Variants in DLG2 observed in about 807,000 individuals in gnomAD.
DLG2 encodes the protein disks large homolog 2.
A neutral mutation model predicts 132.5 loss-of-function variants in DLG2; 45 were observed. The observed-to-expected ratio is 0.34, with a 90% CI of 0.27 to 0.44. DLG2 has a LOEUF of 0.44. Among genes scored for constraint, DLG2 ranks in the 20% least tolerant of loss-of-function variants. The pLI is 1.00. For missense variants in DLG2, 1,045 were observed against 1,196.9 expected, an observed-to-expected ratio of 0.87 and a Z score of 1.87; for synonymous variants, 424 against 419.6, an observed-to-expected ratio of 1.01 and a Z score of -0.13.
At chr11:85,196,520 A>T (rs750947011) in intron 4 of DLG2, among the ~76,000 whole-genome samples, 3 of 152,210 alleles carry the variant, frequency 2.0e-5, no homozygotes, top group Non-Finnish European at 2.9e-5. Context: ...AAATAGTCCC[A>T]CTATAACCAA....
intron 8 of DLG2, among the ~76,000 whole-genome samples, chr11:84,236,188 A>G (rs2097156568): frequency 6.6e-6 from 1 of 152,230 alleles, no homozygotes; most frequent in Non-Finnish European, 1.5e-5. Context: ...AAGAATCCAG[A>G]TAATTTCACT....
At chr11:85,084,108 G>A (rs2067591233) in intron 6 of DLG2, among the ~76,000 whole-genome samples, 1 of 152,090 alleles carries the variant, frequency 6.6e-6, no homozygotes, top group African/African-American at 2.4e-5. Flanking sequence ...AGCAACAGCT[G>A]AAAGAGTATG....
intron 18 of DLG2, among the ~76,000 whole-genome samples, chr11:83,652,244 T>C (rs901740771): frequency 5.3e-5 from 8 of 152,308 alleles, no homozygotes; most frequent in African/African-American, 1.7e-4. Flanking sequence ...AGCCTGCACT[T>C]GTTCTGTTTT....
intron 4 of DLG2, among the ~76,000 whole-genome samples, chr11:85,274,020 C>G (rs1158463144): frequency 6.6e-6 from 1 of 152,172 alleles, no homozygotes; most frequent in Admixed American, 6.5e-5. Flanking sequence ...AAACCAAACA[C>G]CACATGTTCT....
intron 6 of DLG2, among the ~76,000 whole-genome samples, chr11:84,708,593 A>T (rs1257069670): frequency 6.6e-6 from 1 of 151,764 alleles, no homozygotes; most frequent in Non-Finnish European, 1.5e-5. Context: ...AGAGCTCTGG[A>T]AGATGCTTGC....
chr11:85,493,673 G>A (rs1160036845), intron 3 of DLG2, among the ~76,000 whole-genome samples: 2 of 149,176 alleles, frequency 1.3e-5, no homozygotes, highest in African/African-American at 2.5e-5. Flanking sequence ...CCATGTCAGA[G>A]AGGAGAGAAG....
Position 84,502,237 on chromosome 11 carries a change from T to TCCTTCCTTCCTTTC in DLG2, c.519+32332_519+32333insGAAAGGAAGGAAGG, listed in dbSNP as rs2099213708. ...TTCCTTCCTTCCTTCCTTCCTTCCT[T>TCCTTCCTTCCTTTC]CCTTCCTTCCTTCCTTCCTTCCTTC... On this transcript the variant is annotated intron_variant, in intron 7 of 27. Transcript: ENST00000376104. Among the ~76,000 whole-genome samples the TCCTTCCTTCCTTTC allele has an allele frequency of 5.6e-5, 2 of 35,970 alleles. 1 individual carries two copies. Among genetic ancestry groups the TCCTTCCTTCCTTTC allele is most frequent in the Admixed American group, 4.0e-4 (2 of 5,012 alleles). The allele number at this position is 35,970 out of a possible 152,430, so 23.6% of individuals were successfully genotyped here.
At chr11:83,763,172 A>ATTTTT (rs2093986457) in intron 18 of DLG2, among the ~76,000 whole-genome samples, 1 of 152,136 alleles carries the variant, frequency 6.6e-6, no homozygotes, top group Non-Finnish European at 1.5e-5. Flanking sequence ...TGAAATTAAG[A>ATTTTT]ATTTTTTTAA....
At chr11:83,540,825 T>A (rs901447697) in intron 20 of DLG2, among the ~76,000 whole-genome samples, 2 of 152,208 alleles carry the variant, frequency 1.3e-5, no homozygotes, top group South Asian at 2.1e-4. Context: ...TTATTAAGCA[T>A]AATTCCTGAC....
At chr11:83,471,949 T>C (rs1382699406) in intron 23 of DLG2, among the ~76,000 whole-genome samples, 2 of 151,474 alleles carry the variant, frequency 1.3e-5, no homozygotes, top group Non-Finnish European at 3.0e-5. Context: ...GGAAAGGCAA[T>C]TGCAGTATCT....
chr11:85,438,519 A>G (rs1238521865), intron 3 of DLG2, among the ~76,000 whole-genome samples: 6 of 152,236 alleles, frequency 3.9e-5, no homozygotes, highest in Non-Finnish European at 8.8e-5. Context: ...TTACTTTTGC[A>G]CCAACCTATA....
intron 3 of DLG2, among the ~76,000 whole-genome samples, chr11:85,382,747 A>T (rs757579730): frequency 5.3e-5 from 8 of 152,184 alleles, no homozygotes; most frequent in Non-Finnish European, 8.8e-5. Flanking sequence ...GATGTTCAAC[A>T]TCATTAGTCA....
In DLG2 at chr11:84,264,730, T is replaced by C. The variant is rs116839577; in HGVS notation, c.520-13439A>G. On this transcript the variant is annotated intron_variant, in intron 7 of 27. Coordinates refer to ENST00000376104, the MANE Select transcript of DLG2 (RefSeq NM_001142699.3). ...TTTTCCTAACCAACTAGAAAGGAGA[T>C]GATAACTTCCTTATGAATATATTTG... Among the ~76,000 whole-genome samples the C allele has an allele frequency of 1.9e-3, 288 of 152,320 alleles. 2 individuals are homozygous for C. The highest frequency in any genetic ancestry group is 6.7e-3 in the African/African-American group (280 of 41,584).
intron 21 of DLG2, among the ~76,000 whole-genome samples, chr11:83,492,792 C>T (rs1375987284): frequency 1.3e-5 from 2 of 152,110 alleles, no homozygotes; most frequent in Non-Finnish European, 2.9e-5. Context: ...ACCATCTCCA[C>T]CACTACTACC....
chr11:84,189,645 A>G (rs114870481), intron 8 of DLG2, among the ~76,000 whole-genome samples: 20 of 152,346 alleles, frequency 1.3e-4, no homozygotes, highest in African/African-American at 4.6e-4. Context: ...GGAGCCATAA[A>G]AAGGAAAGAG....
At chr11:83,790,759 C>T (rs1427297163) in intron 17 of DLG2, 1 of 762,572 alleles carries the variant, frequency 1.3e-6, no homozygotes, top group Non-Finnish European at 2.4e-6. Context: ...GGGGCAACAA[C>T]TAGGTTCTGG....
chr11:84,647,095 G>GGATAAC (rs1032880378), intron 6 of DLG2, among the ~76,000 whole-genome samples: 1 of 151,658 alleles, frequency 6.6e-6, no homozygotes, highest in African/African-American at 2.4e-5. Context: ...AATCTATTGG[G>GGATAAC]GATAACATAT....
intron 4 of DLG2, among the ~76,000 whole-genome samples, chr11:85,193,778 C>T (rs2080817489): frequency 6.6e-6 from 1 of 152,078 alleles, no homozygotes; most frequent in Non-Finnish European, 1.5e-5. Context: ...ATACTTGACC[C>T]TTTCAATATA....
chr11:84,822,816 G>GTA (rs2077858542), intron 6 of DLG2, among the ~76,000 whole-genome samples: 1 of 151,900 alleles, frequency 6.6e-6, no homozygotes, highest in South Asian at 2.1e-4. Flanking sequence ...TGGGTAAAAG[G>GTA]TACTGTTATT....
Sources: gnomAD v4.1 joint callset for allele counts (sites outside exome capture counted in the v4.1 genomes callset) on GRCh38, gnomAD v4.1.1 for gene constraint, MANE v1.5 for transcripts, NCBI Gene and HGNC (gene_info 2026-07-23, HGNC 2026-07-21) for gene names.